Variants in TENM2 observed in about 807,000 individuals in gnomAD.
TENM2 encodes the protein teneurin transmembrane protein 2.
TENM2 carries 52 observed loss-of-function variants against 245.2 expected under a neutral mutation model. The observed-to-expected ratio is 0.21, with a 90% CI of 0.17 to 0.27. TENM2 has a LOEUF of 0.27. Among genes scored for constraint, TENM2 ranks in the 10% least tolerant of loss-of-function variants. The pLI, the probability that TENM2 is intolerant of heterozygous loss-of-function variation, is 1.00. For synonymous variants in TENM2, 1,363 were observed against 1,438.9 expected, an observed-to-expected ratio of 0.95 and a Z score of 1.19; for missense variants, 3,046 against 3,666.8, an observed-to-expected ratio of 0.83 and a Z score of 4.37.
chr5:168,030,509 A>G (rs1466198481), intron 5 of TENM2, among the ~76,000 whole-genome samples: 1 of 152,126 alleles, frequency 6.6e-6, no homozygotes, highest in Non-Finnish European at 1.5e-5. Flanking sequence ...GCAGGTCTGG[A>G]GTATGGCCCA....
At chr5:167,169,707 CAATA>C in the TENM2 span, among the ~76,000 whole-genome samples, 4 of 152,150 alleles carry the variant, frequency 2.6e-5, no homozygotes, top group African/African-American at 9.7e-5. Flanking sequence ...CCCTTTATCA[CAATA>C]AATAAATTAT....
At chr5:167,882,958 T>A (rs898531915) in intron 3 of TENM2, among the ~76,000 whole-genome samples, 8 of 152,236 alleles carry the variant, frequency 5.3e-5, no homozygotes, top group African/African-American at 1.9e-4. Flanking sequence ...TGCATCTGGC[T>A]GGACCAAGCT....
intron 2 of TENM2, among the ~76,000 whole-genome samples, chr5:167,859,415 T>G (rs1249006031): frequency 7.0e-6 from 1 of 143,542 alleles, no homozygotes; most frequent in Admixed American, 6.8e-5. Flanking sequence ...AGCCGCCCCG[T>G]CCGGGAGGTG....
intron 23 of TENM2, among the ~76,000 whole-genome samples, chr5:168,223,712 G>A (rs1763882883): frequency 6.6e-6 from 1 of 152,026 alleles, no homozygotes; most frequent in East Asian, 1.9e-4. Flanking sequence ...TGATCCACCC[G>A]CCTCAGCCTC....
chr5:168,223,917 C>T (rs1458633703), intron 23 of TENM2, among the ~76,000 whole-genome samples: 1 of 117,042 alleles, frequency 8.5e-6, no homozygotes, highest in Non-Finnish European at 2.0e-5. Context: ...TTTTTTACCC[C>T]TCCCTGAAAA....
intron 2 of TENM2, among the ~76,000 whole-genome samples, chr5:167,799,033 C>T (rs1765516887): frequency 1.3e-5 from 2 of 152,132 alleles, no homozygotes; most frequent in African/African-American, 4.8e-5. Flanking sequence ...TGGCCTGGGA[C>T]AAAACTGTAA....
At chr5:168,140,721 T>C (rs1755467991) in intron 12 of TENM2, among the ~76,000 whole-genome samples, 1 of 152,230 alleles carries the variant, frequency 6.6e-6, no homozygotes, top group Non-Finnish European at 1.5e-5. Context: ...TGGATACCTG[T>C]ATTTTGCTAA....
intron 13 of TENM2, among the ~76,000 whole-genome samples, chr5:168,180,373 G>A (rs1020926866): frequency 3.9e-5 from 6 of 152,186 alleles, no homozygotes; most frequent in South Asian, 2.1e-4. Flanking sequence ...GTTTAACTTC[G>A]TTTAACTGAC....
exon 17 of TENM2, chr5:168,199,944 A>C: frequency 6.2e-7 from 1 of 1,613,912 alleles, no homozygotes; most frequent in Non-Finnish European, 8.5e-7. Flanking sequence ...GGTACAAGTC[A>C]CTGCTGAAGA....
chr5:167,687,850 A>G (rs943149955), intron 2 of TENM2, among the ~76,000 whole-genome samples: 6 of 152,200 alleles, frequency 3.9e-5, no homozygotes, highest in Non-Finnish European at 7.3e-5. Flanking sequence ...GCCAAGAAAA[A>G]AAAGCACTTG....
chr5:167,855,435 T>A (rs1227567671), intron 2 of TENM2, among the ~76,000 whole-genome samples: 1 of 152,138 alleles, frequency 6.6e-6, no homozygotes, highest in Admixed American at 6.6e-5. Flanking sequence ...TACATATATA[T>A]ATGTTCGTAT....
intron 2 of TENM2, among the ~76,000 whole-genome samples, chr5:167,632,053 G>A (rs1561619822): frequency 6.6e-6 from 1 of 152,140 alleles, no homozygotes; most frequent in African/African-American, 2.4e-5. Flanking sequence ...ACTGCCCCAA[G>A]AAAGTGAATG....
chr5:167,227,492 T>C, the TENM2 span, among the ~76,000 whole-genome samples: 1 of 152,194 alleles, frequency 6.6e-6, no homozygotes, highest in Non-Finnish European at 1.5e-5. Context: ...TGGGAAAGAC[T>C]TTATTTCTCC....
chr5:167,677,798 A>T (rs1296806617), intron 2 of TENM2, among the ~76,000 whole-genome samples: 1 of 150,896 alleles, frequency 6.6e-6, no homozygotes, highest in Non-Finnish European at 1.5e-5. Context: ...TTAAAATACC[A>T]GAGATTCTAA....
At chr5:167,817,048 C>G (rs1252779270) in intron 2 of TENM2, among the ~76,000 whole-genome samples, 7 of 152,170 alleles carry the variant, frequency 4.6e-5, no homozygotes, top group Admixed American at 4.6e-4. Flanking sequence ...CAGAAGGACT[C>G]GTAATTCATG....
intron 25 of TENM2, among the ~76,000 whole-genome samples, chr5:168,230,134 A>AGTCTT (rs371694883): frequency 3.3e-4 from 50 of 152,336 alleles, no homozygotes; most frequent in African/African-American, 1.2e-3. Flanking sequence ...TAGGCACACA[A>AGTCTT]GTCTTATAAC....
intron 5 of TENM2, among the ~76,000 whole-genome samples, chr5:168,012,549 G>A (rs1369087138): frequency 1.3e-5 from 2 of 151,314 alleles, no homozygotes; most frequent in Non-Finnish European, 2.9e-5. Flanking sequence ...TTCAGAGGCT[G>A]AGGTGGGAGG....
intron 7 of TENM2, 95 bp downstream of exon 9, chr5:168,062,360 T>A: frequency 1.0e-6 from 1 of 963,736 alleles, no homozygotes. Context: ...CTACAATGCC[T>A]ATAATTAAAA....
chr5:168,009,199 G>T (rs1279690686), intron 5 of TENM2, among the ~76,000 whole-genome samples: 1 of 152,168 alleles, frequency 6.6e-6, no homozygotes, highest in East Asian at 1.9e-4. Flanking sequence ...GTACAAATGT[G>T]GCATGTGGTC....
Sources: allele counts gnomAD v4.1 joint callset (sites outside exome capture counted in the v4.1 genomes callset), GRCh38; gene constraint gnomAD v4.1.1; transcripts MANE v1.5; gene names NCBI Gene and HGNC (gene_info 2026-07-23, HGNC 2026-07-21).